Variants in SYK observed in about 807,000 individuals in gnomAD.
SYK encodes the protein spleen associated tyrosine kinase.
Under a neutral mutation model 77.8 loss-of-function variants are expected in SYK, and 16 were observed. That is an observed-to-expected ratio of 0.21 (90% CI 0.14 to 0.31). The LOEUF (loss-of-function observed/expected upper bound fraction) is 0.31. Ranked by LOEUF, SYK falls within the 10% of genes least tolerant of loss-of-function variation. The pLI is 1.00. For missense variants in SYK, 529 were observed against 814.4 expected, an observed-to-expected ratio of 0.65 and a Z score of 4.26; for synonymous variants, 312 against 308.7, an observed-to-expected ratio of 1.01 and a Z score of -0.11.
chr9:90,887,898 G>C lies in SYK; in HGVS notation c.1722+9G>C, dbSNP rs2118972813. ...GGCAGAAGCCATATCGAGTGAGCCA[G>C]TCCTGCTTCATTTTCTCACTGTGGG... On this transcript the variant is annotated intron_variant, in intron 12 of 13. Transcript: ENST00000375754. 6.4e-7 allele frequency: 1 copy of C among 1,573,164 alleles called. No homozygotes were observed. The highest frequency in any genetic ancestry group is 8.7e-7 in the Non-Finnish European group (1 of 1,155,816).
chr9:90,824,569 T>A (rs1825612101), intron 1 of SYK, among the ~76,000 whole-genome samples: 1 of 152,104 alleles, frequency 6.6e-6, no homozygotes, highest in East Asian at 1.9e-4. Flanking sequence ...GTTCAACATT[T>A]GAAAATAAAT....
rs2118635728 is a variant in SYK at position 90,844,171 on chromosome 9, C to T, written c.273C>T (p.Tyr91=). The change falls in exon 2 of 14, where the codon TAC becomes TAT. Residue 91 remains tyrosine, a synonymous_variant. Coordinates refer to ENST00000375754, the MANE Select transcript of SYK (RefSeq NM_003177.7). ...CCAGCCCCGCCGACCTCTGCCACTA[C>T]CACTCCCAGGAGTCTGATGGCCTGG... is the stretch of plus-strand genomic sequence containing the variant. ...THASPADLCH[Y]HSQESDGLVC... 3 of 1,614,244 alleles carry T rather than the reference C, an allele frequency of 1.9e-6. No individual in the cohort carries two copies. The highest frequency in any genetic ancestry group is 1.1e-5 in the South Asian group (1 of 91,088).
chr9:90,851,916 A>G (rs915806907), intron 3 of SYK, among the ~76,000 whole-genome samples: 1 of 152,176 alleles, frequency 6.6e-6, no homozygotes, highest in Non-Finnish European at 1.5e-5. Context: ...TGGACTAAGG[A>G]AAAAAATTCA....
At position 90,817,118 on chromosome 9, in the gene SYK, T is replaced by C. The variant is rs375105149; in HGVS notation, c.-42+15225T>C. 1.5e-4 allele frequency among the ~76,000 whole-genome samples: 23 copies of C among 152,340 alleles called. No individual in the cohort carries two copies. The South Asian group carries it at 2.1e-3, about 14-fold the overall frequency. On this transcript the variant is annotated intron_variant, in intron 1 of 13. Coordinates refer to ENST00000375754, the MANE Select transcript of SYK (RefSeq NM_003177.7). ...TTTGTTTTTGGCTCATCAGCTATCATTAGTGTTAGTATATTTTATGTGTGG... is the reference window on the plus strand; with the variant it reads ...TTTGTTTTTGGCTCATCAGCTATCACTAGTGTTAGTATATTTTATGTGTGG...
At chr9:90,836,667 A>T (rs925519134) in intron 1 of SYK, among the ~76,000 whole-genome samples, 1 of 152,204 alleles carries the variant, frequency 6.6e-6, no homozygotes, top group Non-Finnish European at 1.5e-5. Context: ...TTGCAGTAAA[A>T]AGTGATCTTT....
chr9:90,870,958 A>C lies in SYK; in HGVS notation c.916-3246A>C, dbSNP rs10993738. On this transcript the variant is annotated intron_variant, in intron 7 of 13. Transcript: ENST00000375754. ...ATACTCTGGAATCAGGAAACTCTGA[A>C]TGGACCTATCAGTTCCACAGACCAA... is the stretch of plus-strand genomic sequence containing the variant. Among the ~76,000 whole-genome samples, 2,465 of 152,364 alleles carry C rather than the reference A, an allele frequency of 0.016. 178 individuals carry two copies. In the East Asian group the frequency reaches 0.22, roughly 14 times the overall value.
At position 90,887,971 on chromosome 9, in the gene SYK, A is replaced by G. The variant is rs1034935907; in HGVS notation, c.1722+82A>G. 12 of 1,446,264 alleles carry G rather than the reference A, an allele frequency of 8.3e-6. 1 individual carries two copies. 89.6% of individuals were successfully genotyped at this position (1,446,264 alleles called of 1,614,324 possible). A position where few individuals can be genotyped will look rare whatever the true frequency, so the allele number is the denominator to read the frequency against. ...AGATTGTCTTTACAACAACCTGAAA[A>G]TCCTAATCTGAGTCTCTCATTATCT... On this transcript the variant is annotated intron_variant, in intron 12 of 13. Coordinates refer to ENST00000375754, the MANE Select transcript of SYK (RefSeq NM_003177.7).
At chr9:90,892,250 T>C (rs1828820879) in intron 13 of SYK, among the ~76,000 whole-genome samples, 1 of 152,050 alleles carries the variant, frequency 6.6e-6, no homozygotes. Context: ...CTAGGAGATA[T>C]GAGGAGGGTG....
chr9:90,883,969 C>T (rs1182892244), intron 11 of SYK, among the ~76,000 whole-genome samples: 2 of 152,068 alleles, frequency 1.3e-5, no homozygotes, highest in Non-Finnish European at 2.9e-5. Context: ...GAAGACTGGC[C>T]CACCTAGCAT....
chr9:90,859,202 G>A (rs192874569), intron 3 of SYK, among the ~76,000 whole-genome samples: 634 of 152,298 alleles, frequency 4.2e-3, no homozygotes, highest in Middle Eastern at 0.014. Flanking sequence ...AGACCACTCC[G>A]CCCTCACACA....
Position 90,804,130 on chromosome 9 carries a change from G to A in SYK, c.-42+2237G>A, listed in dbSNP as rs113201615. Among the ~76,000 whole-genome samples, 26 of 152,212 alleles carry A rather than the reference G, an allele frequency of 1.7e-4. 2 individuals carry two copies. The highest frequency in any genetic ancestry group is 5.5e-4 in the African/African-American group (23 of 41,538). ...GCTTTTAAAAGGAAAGTGCATTTAT[G>A]TTGTTCAATACTTCACACTTTCCAG... On this transcript the variant is annotated intron_variant, in intron 1 of 13. Coordinates refer to ENST00000375754, the MANE Select transcript of SYK (RefSeq NM_003177.7).
At chr9:90,894,518 G>A (rs1370041838) in intron 13 of SYK, among the ~76,000 whole-genome samples, 1 of 152,232 alleles carries the variant, frequency 6.6e-6, no homozygotes, top group Non-Finnish European at 1.5e-5. Context: ...ATAATGATGA[G>A]TGAGTCTTGG....
In SYK at chr9:90,897,226, A is replaced by G. The variant is rs199768164; in HGVS notation, c.*1626A>G. The G allele has an allele frequency of 4.8e-5, 11 of 230,828 alleles. No individual in the cohort carries two copies. The highest frequency in any genetic ancestry group is 5.7e-5 in the Admixed American group (1 of 17,686). 14.3% of individuals were successfully genotyped at this position (230,828 alleles called of 1,614,324 possible). On this transcript the variant is annotated 3_prime_UTR_variant, in exon 14 of 14. Coordinates refer to ENST00000375754, the MANE Select transcript of SYK (RefSeq NM_003177.7). ...AGACAATCAGTACCCAAGCTCAGCC[A>G]CAGAAGACAGGAGTCACTCATATAA... is the stretch of plus-strand genomic sequence containing the variant.
At chr9:90,877,072 G>A (rs1379473643) in intron 9 of SYK, among the ~76,000 whole-genome samples, 2 of 152,080 alleles carry the variant, frequency 1.3e-5, no homozygotes, top group African/African-American at 4.8e-5. Context: ...TTATTTTTTA[G>A]AAACAGTGTT....
chr9:90,832,860 A>T (rs1345678370), intron 1 of SYK, among the ~76,000 whole-genome samples: 1 of 152,198 alleles, frequency 6.6e-6, no homozygotes, highest in Non-Finnish European at 1.5e-5. Context: ...AGCATTTGAG[A>T]TAGCTGGGTA....
chr9:90,830,545 G>A (rs1280890034), intron 1 of SYK, among the ~76,000 whole-genome samples: 1 of 150,418 alleles, frequency 6.6e-6, no homozygotes, highest in East Asian at 2.0e-4. Flanking sequence ...GACCAAACCA[G>A]CAAGATCAAT....
At chr9:90,859,692 C>A (rs1238274792) in intron 3 of SYK, among the ~76,000 whole-genome samples, 1 of 152,106 alleles carries the variant, frequency 6.6e-6, no homozygotes, top group Non-Finnish European at 1.5e-5. Context: ...GTGGGTGAGC[C>A]CATTTATGCT....
chr9:90,864,813 T>C (rs1827415516), intron 5 of SYK, 146 bp downstream of exon 5: 1 of 754,986 alleles, frequency 1.3e-6, no homozygotes, highest in Non-Finnish European at 2.2e-6. Flanking sequence ...ACTCCGATTT[T>C]GTATATCGTG....
chr9:90,883,063 A>C (rs1828217813), intron 11 of SYK, among the ~76,000 whole-genome samples: 1 of 152,170 alleles, frequency 6.6e-6, no homozygotes, highest in Non-Finnish European at 1.5e-5. Context: ...GAGTAGCTGC[A>C]GCTTGGTGCC....
Sources: gnomAD v4.1 joint callset for allele counts (sites outside exome capture counted in the v4.1 genomes callset) on GRCh38, gnomAD v4.1.1 for gene constraint, MANE v1.5 for transcripts, NCBI Gene and HGNC (gene_info 2026-07-23, HGNC 2026-07-21) for gene names.